The following SRGAP2 variants were observed in gnomAD, a reference collection of about 807,000 sequenced individuals.
SRGAP2 encodes the protein SLIT-ROBO Rho GTPase-activating protein 2.
SRGAP2 carries 15 observed loss-of-function variants against 57.2 expected under a neutral mutation model. The observed-to-expected ratio is 0.26, with a 90% CI of 0.18 to 0.40. SRGAP2 has a LOEUF of 0.40. SRGAP2 is among the 10% of genes least tolerant of loss of function. The probability of loss-of-function intolerance (pLI) is 1.00; values close to 1 mark genes in which losing one functional copy is unlikely to be tolerated. For missense variants in SRGAP2, 520 were observed against 669.6 expected (o/e 0.78, Z 2.47); for synonymous variants, 249 against 248.0 (o/e 1.00, Z -0.04).
At chr1:206,453,415 C>T (rs1488211679) in intron 20 of SRGAP2, 35 bp downstream of exon 20, 5 of 575,294 alleles carry the variant, frequency 8.7e-6, no homozygotes, top group East Asian at 3.1e-5. Flanking sequence ...GGGGGTGGTC[C>T]CCAGCTGCTC....
At chr1:206,276,639 C>A (rs1292382234) in intron 2 of SRGAP2, among the ~76,000 whole-genome samples, 2 of 152,162 alleles carry the variant, frequency 1.3e-5, no homozygotes, top group Non-Finnish European at 2.9e-5. Context: ...GTTTTATGGC[C>A]TCATCCTTCT....
At chr1:206,446,416 C>A in intron 18 of SRGAP2, 117 bp downstream of exon 18, 1 of 700,016 alleles carries the variant, frequency 1.4e-6, no homozygotes, top group South Asian at 1.6e-5. Context: ...CTCCTCACTC[C>A]CAGGCTGCTA....
intron 1 of SRGAP2, chr1:206,204,800 C>G (rs1211340135): frequency 4.1e-5 from 5 of 123,182 alleles, no homozygotes; most frequent in Non-Finnish European, 6.5e-5. Flanking sequence ...CGCCGCCCCC[C>G]GGTTTTCCCG....
At chr1:206,262,825 T>TA (rs1471708422) in intron 2 of SRGAP2, among the ~76,000 whole-genome samples, 2 of 131,448 alleles carry the variant, frequency 1.5e-5, no homozygotes, top group East Asian at 2.7e-4. Context: ...ATTACTTTGG[T>TA]AAAAAAATAA....
intron 4 of SRGAP2, among the ~76,000 whole-genome samples, chr1:206,349,300 A>AT (rs1215461158): frequency 6.7e-6 from 1 of 150,220 alleles, no homozygotes; most frequent in East Asian, 2.0e-4. Context: ...CAGAACCCTC[A>AT]TATGTTGCTA....
At chr1:206,422,237 A>G (rs1384042748) in intron 13 of SRGAP2, among the ~76,000 whole-genome samples, 2 of 152,202 alleles carry the variant, frequency 1.3e-5, no homozygotes, top group Non-Finnish European at 2.9e-5. Context: ...AGCTCATCTG[A>G]CTGCTCTGAC....
intron 2 of SRGAP2, among the ~76,000 whole-genome samples, chr1:206,283,512 A>G (rs1227752113): frequency 6.7e-6 from 1 of 150,296 alleles, no homozygotes; most frequent in African/African-American, 2.4e-5. Context: ...CATCTCTACT[A>G]AAAATACAAA....
chr1:206,454,073 C>T lies in SRGAP2; in HGVS notation c.2360+693C>T. 1 of 701,472 alleles carries T rather than the reference C, an allele frequency of 1.4e-6. No homozygotes were observed. Among genetic ancestry groups the T allele is most frequent in the Non-Finnish European group, 2.6e-6 (1 of 384,322 alleles). The allele number at this position is 701,472 out of a possible 1,614,324, so 43.5% of individuals were successfully genotyped here. A position where few individuals can be genotyped will look rare whatever the true frequency, so the allele number is the denominator to read the frequency against. On this transcript the variant is annotated intron_variant, in intron 20 of 22. Transcript: ENST00000573034. This position sits in a 1 kb window ranked among gnomAD's most constrained non-coding sequence, Gnocchi z 4.3. The stretch of plus-strand genomic sequence containing the variant: ...CCCTGTCCGTTTGCCCTGTCTCTGT[C>T]CCCAGCTCCCCTCCCTTGGATACGA...
intron 3 of SRGAP2, among the ~76,000 whole-genome samples, chr1:206,335,674 C>CAG (rs1162492777): frequency 1.5e-4 from 23 of 151,176 alleles, no homozygotes; most frequent in African/African-American, 5.1e-4. Flanking sequence ...ATCAGGGACT[C>CAG]AGAGAAGGAG....
In SRGAP2 at chr1:206,450,497, C is replaced by T. The variant is rs61738371; in HGVS notation, c.2179+32C>T. The T allele has an allele frequency of 2.5e-3, 1,910 of 779,572 alleles. 30 individuals carry two copies. In the African/African-American group the frequency reaches 0.027, roughly 11 times the overall value. The allele number at this position is 779,572 out of a possible 1,614,324, so 48.3% of individuals were successfully genotyped here. On this transcript the variant is annotated intron_variant, in intron 19 of 22. Transcript: ENST00000573034. The stretch of plus-strand genomic sequence containing the variant: ...GGCCCTGCTTCCTGGTCAGTGGGGA[C>T]GCCAGGGGTGAGGCAGAAGGAAGTG...
In SRGAP2 at chr1:206,450,735, T is replaced by G. The variant is rs1663196172; in HGVS notation, c.2179+270T>G. Among the ~76,000 whole-genome samples, 3 of 152,320 alleles carry G rather than the reference T, an allele frequency of 2.0e-5. No homozygotes were observed. The South Asian group carries it at 6.2e-4, about 32-fold the overall frequency. On this transcript the variant is annotated intron_variant, in intron 19 of 22. Transcript: ENST00000573034. ...CCACCTCCCAGCTCCTTGTCTGGCC[T>G]GAGTGCAGCATGATGTTGGTCCCTT...
intron 4 of SRGAP2, among the ~76,000 whole-genome samples, chr1:206,376,060 A>G (rs111310842): frequency 2.0e-5 from 3 of 147,446 alleles, no homozygotes. Flanking sequence ...TGTTTCCTTT[A>G]TGCCCACAGT....
chr1:206,428,699 A>G (rs1661027580), intron 13 of SRGAP2, among the ~76,000 whole-genome samples: 2 of 152,050 alleles, frequency 1.3e-5, no homozygotes, highest in Admixed American at 1.3e-4. Context: ...GTCCCGCTCC[A>G]TCACCCAGGC....
intron 2 of SRGAP2, among the ~76,000 whole-genome samples, chr1:206,213,133 A>G (rs1374776277): frequency 2.6e-5 from 4 of 152,046 alleles, no homozygotes; most frequent in African/African-American, 7.2e-5. Context: ...AGAGGTTGCA[A>G]TGAGCTGAGA....
chr1:206,333,334 A>G, intron 3 of SRGAP2: 2 of 1,199,132 alleles, frequency 1.7e-6, no homozygotes, highest in African/African-American at 1.5e-5. Flanking sequence ...ATTTATTTTG[A>G]GCCAGGGCTT....
At position 206,418,326 on chromosome 1, in the gene SRGAP2, G is replaced by T. The variant is rs181935673; in HGVS notation, c.1442-1047G>T. 4.3e-3 allele frequency among the ~76,000 whole-genome samples: 653 copies of T among 152,324 alleles called. 3 individuals are homozygous for T. Among genetic ancestry groups the T allele is most frequent in the Non-Finnish European group, 6.2e-3 (419 of 68,026 alleles). On this transcript the variant is annotated intron_variant, in intron 11 of 22. Transcript: ENST00000573034. The stretch of plus-strand genomic sequence containing the variant: ...CCTTTGGTAACGAGAGACAGTTAGG[G>T]GTAGGGGATGGCGTTGCTCAAGATG...
rs374466620 is a variant in SRGAP2 at position 206,252,203 on chromosome 1, A to G, written c.67+46166A>G. ...ATAACCGGGAATGGAATTCTCACCA[A>G]TTCTTATCTTCTATGCTAAAAGTTT... On this transcript the variant is annotated intron_variant, in intron 2 of 22. Coordinates refer to ENST00000573034, the MANE Select transcript of SRGAP2 (RefSeq NM_015326.5). Among the ~76,000 whole-genome samples, 1,040 of 124,096 alleles carry G rather than the reference A, an allele frequency of 8.4e-3. 7 individuals are homozygous for G. Among genetic ancestry groups the G allele is most frequent in the Middle Eastern group, 0.027 (7 of 256 alleles). 81.4% of individuals were successfully genotyped at this position (124,096 alleles called of 152,430 possible).
chr1:206,290,641 C>CAAAA (rs1237811129), intron 2 of SRGAP2, among the ~76,000 whole-genome samples: 37 of 44,978 alleles, frequency 8.2e-4, no homozygotes, highest in African/African-American at 1.3e-3. Context: ...GACTCCATCT[C>CAAAA]AAAAAAAAAA....
intron 2 of SRGAP2, among the ~76,000 whole-genome samples, chr1:206,234,349 A>G (rs1389795163): frequency 6.6e-6 from 1 of 152,074 alleles, no homozygotes; most frequent in Admixed American, 6.6e-5. Context: ...AACCAGAAAA[A>G]AATTCTATTT....
Sources: allele counts gnomAD v4.1 joint callset (sites outside exome capture counted in the v4.1 genomes callset), GRCh38; gene constraint gnomAD v4.1.1; non-coding constraint Gnocchi (gnomAD v3.1); transcripts MANE v1.5; gene names NCBI Gene and HGNC (gene_info 2026-07-23, HGNC 2026-07-21).